TENM3: variants seen among roughly 807,000 people sequenced by gnomAD.
TENM3 encodes the protein teneurin transmembrane protein 3.
Under a neutral mutation model 255.1 loss-of-function variants are expected in TENM3, and 63 were observed. The observed-to-expected ratio is 0.25, with a 90% CI of 0.20 to 0.30. The LOEUF (loss-of-function observed/expected upper bound fraction) is 0.30, where lower values mean the gene tolerates loss of function less well. Ranked by LOEUF, TENM3 falls within the 10% of genes least tolerant of loss-of-function variation. The pLI, the probability that TENM3 is intolerant of heterozygous loss-of-function variation, is 1.00. For synonymous variants in TENM3, 1,306 were observed against 1,322.3 expected (o/e 0.99, Z 0.27); for missense variants, 2,929 against 3,461.1 (o/e 0.85, Z 3.86).
the TENM3 span, among the ~76,000 whole-genome samples, chr4:181,638,839 A>C: frequency 6.6e-6 from 1 of 152,332 alleles, no homozygotes; most frequent in East Asian, 1.9e-4. Context: ...TTGGTCTCAT[A>C]TATGAAAAAG....
intron 2 of TENM3, among the ~76,000 whole-genome samples, chr4:182,337,599 G>A (rs1764225113): frequency 6.6e-6 from 1 of 152,152 alleles, no homozygotes; most frequent in Non-Finnish European, 1.5e-5. Context: ...TGACACAACT[G>A]CTTTGGAAAC....
the TENM3 span, among the ~76,000 whole-genome samples, chr4:182,050,806 A>AAAAAAC: frequency 2.5e-4 from 38 of 151,800 alleles, no homozygotes; most frequent in African/African-American, 8.9e-4. Flanking sequence ...TCCACCTGAA[A>AAAAAAC]AAAACAAAAC....
At chr4:181,711,027 C>T in the TENM3 span, among the ~76,000 whole-genome samples, 3 of 151,758 alleles carry the variant, frequency 2.0e-5, no homozygotes, top group African/African-American at 4.8e-5. Flanking sequence ...ATAGTTAATC[C>T]TCACCATTCG....
intron 1 of TENM3, among the ~76,000 whole-genome samples, chr4:182,215,201 G>A (rs1453403714): frequency 6.6e-6 from 1 of 152,160 alleles, no homozygotes; most frequent in African/African-American, 2.4e-5. Context: ...AGTGGGCAAG[G>A]ACAAGCAGTT....
intron 3 of TENM3, among the ~76,000 whole-genome samples, chr4:182,416,846 C>G (rs1208191704): frequency 6.6e-6 from 1 of 152,176 alleles, no homozygotes; most frequent in African/African-American, 2.4e-5. Flanking sequence ...AACAAACCAT[C>G]GGAGAGGCAC....
At chr4:182,442,301 A>G (rs558715118) in intron 3 of TENM3, among the ~76,000 whole-genome samples, 13 of 152,336 alleles carry the variant, frequency 8.5e-5, no homozygotes, top group South Asian at 2.1e-4. Flanking sequence ...ATGTTAAACT[A>G]TTTGCAAAAA....
intron 3 of TENM3, among the ~76,000 whole-genome samples, chr4:182,479,327 G>T (rs1279734050): frequency 1.3e-5 from 2 of 151,576 alleles, no homozygotes; most frequent in African/African-American, 2.4e-5. Flanking sequence ...GATTAGTCAG[G>T]CTACGTTTTT....
the TENM3 span, among the ~76,000 whole-genome samples, chr4:181,631,257 T>C: frequency 2.0e-5 from 3 of 152,056 alleles, no homozygotes; most frequent in African/African-American, 7.2e-5. Context: ...TCTCTCATAG[T>C]ACCAATCTCT....
intron 3 of TENM3, among the ~76,000 whole-genome samples, chr4:182,429,783 T>G (rs1231548446): frequency 2.0e-5 from 3 of 152,218 alleles, no homozygotes; most frequent in Non-Finnish European, 4.4e-5. Context: ...TGCTTACACA[T>G]AGTACCATAA....
the TENM3 span, among the ~76,000 whole-genome samples, chr4:181,583,235 A>C: frequency 6.6e-6 from 1 of 152,032 alleles, no homozygotes; most frequent in Non-Finnish European, 1.5e-5. Flanking sequence ...CTTTAAAACG[A>C]TCTGTGTGAT....
the TENM3 span, among the ~76,000 whole-genome samples, chr4:181,979,249 G>A: frequency 6.8e-6 from 1 of 148,056 alleles, no homozygotes; most frequent in Non-Finnish European, 1.5e-5. Context: ...TATTTCTTAT[G>A]TTTGTATTGC....
the TENM3 span, among the ~76,000 whole-genome samples, chr4:181,499,639 C>T: frequency 6.6e-6 from 1 of 152,296 alleles, no homozygotes; most frequent in East Asian, 1.9e-4. Flanking sequence ...AATTTACACA[C>T]TTTCTTCCAA....
At chr4:181,719,161 G>A in the TENM3 span, among the ~76,000 whole-genome samples, 9 of 151,850 alleles carry the variant, frequency 5.9e-5, no homozygotes, top group South Asian at 2.1e-4. Context: ...AGCCGAGATC[G>A]CGCCACTGCA....
At chr4:182,134,657 C>T in the TENM3 span, among the ~76,000 whole-genome samples, 1 of 152,182 alleles carries the variant, frequency 6.6e-6, no homozygotes, top group Non-Finnish European at 1.5e-5. Flanking sequence ...GGATGCTTCT[C>T]TGCCCAGGCC....
intron 1 of TENM3, among the ~76,000 whole-genome samples, chr4:182,312,298 G>T (rs889556094): frequency 1.3e-5 from 2 of 152,292 alleles, no homozygotes; most frequent in Admixed American, 1.3e-4. Context: ...GAAGTTCAAG[G>T]CTGCAGTGAG....
the TENM3 span, among the ~76,000 whole-genome samples, chr4:182,055,122 A>G: frequency 6.6e-6 from 1 of 152,142 alleles, no homozygotes; most frequent in East Asian, 1.9e-4. Context: ...CAAGGCGGGC[A>G]GATCGCTTGA....
At chr4:181,454,261 A>G in the TENM3 span, among the ~76,000 whole-genome samples, 195 of 152,230 alleles carry the variant, frequency 1.3e-3, no homozygotes, top group African/African-American at 4.4e-3. Context: ...CCCTTATTCT[A>G]CATCTGACTA....
the TENM3 span, among the ~76,000 whole-genome samples, chr4:181,487,392 A>G: frequency 6.6e-6 from 1 of 152,160 alleles, no homozygotes; most frequent in Non-Finnish European, 1.5e-5. Context: ...TAAACAATAG[A>G]AATTAACTTC....
rs762178824 is a variant in TENM3 at position 182,526,276 on chromosome 4, A to G, written c.512-74648A>G. On this transcript the variant is annotated intron_variant, in intron 3 of 27. Coordinates refer to ENST00000511685, the MANE Select transcript of TENM3 (RefSeq NM_001080477.4). ...ATTACAGGCGTGAGCCACCGCGCCC[A>G]GCTACATTTGCCGCTTTCTTATGTA... Among the ~76,000 whole-genome samples the G allele has an allele frequency of 2.0e-5, 3 of 151,576 alleles. No individual in the cohort carries two copies. The East Asian group carries it at 5.8e-4, about 29-fold the overall frequency.
Sources: gnomAD v4.1 joint callset for allele counts (sites outside exome capture counted in the v4.1 genomes callset) on GRCh38, gnomAD v4.1.1 for gene constraint, MANE v1.5 for transcripts, NCBI Gene and HGNC (gene_info 2026-07-23, HGNC 2026-07-21) for gene names.